NUP98: variants seen among roughly 807,000 people sequenced by gnomAD.
The protein encoded by NUP98 is nuclear pore complex protein Nup98-Nup96.
A neutral mutation model predicts 191.9 loss-of-function variants in NUP98; 26 were observed. The ratio of observed to expected loss-of-function variants is 0.14; its 90% CI spans 0.10 to 0.19. The LOEUF (loss-of-function observed/expected upper bound fraction) is 0.19. Among genes scored for constraint, NUP98 ranks in the 10% least tolerant of loss-of-function variants. The probability of loss-of-function intolerance (pLI) is 1.00; values close to 1 mark genes in which losing one functional copy is unlikely to be tolerated. For synonymous variants in NUP98, 808 were observed against 778.4 expected (o/e 1.04, Z -0.63); for missense variants, 1,941 against 2,178.8 (o/e 0.89, Z 2.17).
At chr11:3,717,746 T>C (rs2079237724) in intron 18 of NUP98, among the ~76,000 whole-genome samples, 1 of 152,258 alleles carries the variant, frequency 6.6e-6, no homozygotes, top group Non-Finnish European at 1.5e-5. Context: ...TTGTGTTGCC[T>C]TGTCTCACAG....
chr11:3,677,410 GTTT>G (rs372075323), intron 31 of NUP98, among the ~76,000 whole-genome samples: 17 of 130,774 alleles, frequency 1.3e-4, no homozygotes, highest in South Asian at 2.5e-4. Flanking sequence ...TGTAACATAG[GTTT>G]TTTTTTTTTT....
intron 8 of NUP98, among the ~76,000 whole-genome samples, chr11:3,767,553 A>G (rs2081380576): frequency 6.6e-6 from 1 of 150,602 alleles, no homozygotes. Context: ...GCTAGTCTCA[A>G]ACTCCTGATC....
At chr11:3,680,517 T>G (rs575509036) in intron 30 of NUP98, among the ~76,000 whole-genome samples, 1 of 152,324 alleles carries the variant, frequency 6.6e-6, no homozygotes, top group East Asian at 1.9e-4. Context: ...TGTTGATATT[T>G]TGACCTCCTT....
intron 11 of NUP98, among the ~76,000 whole-genome samples, chr11:3,746,640 C>T (rs1405040541): frequency 1.3e-5 from 2 of 151,718 alleles, no homozygotes; most frequent in African/African-American, 2.4e-5. Context: ...GGGCTGGGCG[C>T]GGTGGCTCAC....
chr11:3,720,975 A>AGTGTGAGTGT (rs1554891504), intron 16 of NUP98, 150 bp from the exon 17 acceptor site: 30 of 324,494 alleles, frequency 9.2e-5, no homozygotes, highest in Middle Eastern at 9.3e-4. Context: ...GGGGTGTGTG[A>AGTGTGAGTGT]GTGTGTGTGT....
chr11:3,753,514 C>G, intron 10 of NUP98, 106 bp from the exon 11 acceptor site: 1 of 806,746 alleles, frequency 1.2e-6, no homozygotes, highest in South Asian at 1.7e-5. Context: ...GTGAACCTTT[C>G]AGTTAATATT....
At chr11:3,796,813 C>T (rs138457943) in intron 1 of NUP98, among the ~76,000 whole-genome samples, 1,822 of 152,302 alleles carry the variant, frequency 0.012, 39 homozygotes, top group African/African-American at 0.041. Flanking sequence ...GTCCTTATGG[C>T]TATAGTAATC....
chr11:3,676,836 G>T (rs1028701739), intron 31 of NUP98: 14 of 646,648 alleles, frequency 2.2e-5, no homozygotes, highest in Non-Finnish European at 3.9e-5. Flanking sequence ...ACCTAGCCTT[G>T]GACTAGGAAA....
intron 14 of NUP98, among the ~76,000 whole-genome samples, chr11:3,727,264 C>T (rs1183319716): frequency 2.0e-5 from 3 of 151,870 alleles, no homozygotes; most frequent in East Asian, 3.9e-4. Flanking sequence ...AAGGCCAGCC[C>T]GGGCAACACA....
chr11:3,774,234 CTAAAAAATAAAAAAA>C (rs71041391), intron 5 of NUP98, among the ~76,000 whole-genome samples: 1,884 of 150,690 alleles, frequency 0.013, 19 homozygotes, highest in South Asian at 0.026. Context: ...CCCGTCTCTA[CTAAAAAATAAAAAAA>C]TAAAAAATAA....
intron 11 of NUP98, among the ~76,000 whole-genome samples, chr11:3,748,892 A>G (rs1188246427): frequency 1.3e-5 from 2 of 151,944 alleles, no homozygotes; most frequent in Non-Finnish European, 2.9e-5. Context: ...TAGAAGTTGG[A>G]TAAGTTGAAA....
chr11:3,697,538 G>A (rs552460373), intron 25 of NUP98, among the ~76,000 whole-genome samples: 13 of 152,160 alleles, frequency 8.5e-5, no homozygotes, highest in East Asian at 3.9e-4. Flanking sequence ...GGCCAGGCAC[G>A]GTGGCTCATG....
At chr11:3,734,888 G>C (rs1280306038) in intron 13 of NUP98, among the ~76,000 whole-genome samples, 1 of 151,896 alleles carries the variant, frequency 6.6e-6, no homozygotes, top group Admixed American at 6.6e-5. Flanking sequence ...ATCTCAAAAA[G>C]AAAAGAAAAA....
intron 30 of NUP98, 108 bp downstream of exon 30, chr11:3,683,092 A>C: frequency 6.7e-7 from 1 of 1,481,558 alleles, no homozygotes; most frequent in Non-Finnish European, 9.1e-7. Flanking sequence ...TTGATTCAAG[A>C]TGGCCATGTC....
chr11:3,711,814 T>C, intron 20 of NUP98: 1 of 1,021,652 alleles, frequency 9.8e-7, no homozygotes, highest in Non-Finnish European at 1.2e-6. Flanking sequence ...CAAACATGTA[T>C]ATACACACAT....
intron 9 of NUP98, 29 bp downstream of exon 9, chr11:3,762,873 T>TC (rs751897710): frequency 6.2e-7 from 1 of 1,605,550 alleles, no homozygotes; most frequent in Non-Finnish European, 8.5e-7. Flanking sequence ...ACACACATCT[T>TC]CAAATTACAG....
intron 20 of NUP98, among the ~76,000 whole-genome samples, chr11:3,709,732 G>A (rs1048592590): frequency 6.9e-6 from 1 of 145,864 alleles, no homozygotes; most frequent in African/African-American, 2.5e-5. Flanking sequence ...AAGTTTCTGA[G>A]CAAGCCAATT....
intron 27 of NUP98, among the ~76,000 whole-genome samples, chr11:3,692,157 G>GA (rs199902344): frequency 1.5e-4 from 23 of 151,570 alleles, no homozygotes; most frequent in South Asian, 2.1e-4. Context: ...AAAAAGATAA[G>GA]AAAAAAAAAT....
chr11:3,772,016 G>T, intron 6 of NUP98, 88 bp from the exon 7 acceptor site: 1 of 1,106,364 alleles, frequency 9.0e-7, no homozygotes, highest in Non-Finnish European at 1.3e-6. Context: ...TAGTATTCAA[G>T]TTCTATGTTC....
Sources: allele counts gnomAD v4.1 joint callset (sites outside exome capture counted in the v4.1 genomes callset), GRCh38; gene constraint gnomAD v4.1.1; transcripts MANE v1.5; gene names NCBI Gene and HGNC (gene_info 2026-07-23, HGNC 2026-07-21).